Variants in UNC80 observed in about 807,000 individuals in gnomAD.
UNC80 encodes the protein protein unc-80 homolog.
UNC80 carries 164 observed loss-of-function variants against 384.6 expected under a neutral mutation model. The observed-to-expected ratio is 0.43, with a 90% CI of 0.38 to 0.49. The LOEUF (loss-of-function observed/expected upper bound fraction) is 0.49. Ranked by LOEUF, UNC80 falls within the 20% of genes least tolerant of loss-of-function variation. The pLI, the probability that UNC80 is intolerant of heterozygous loss-of-function variation, is 0.00. For missense variants in UNC80, 3,330 were observed against 4,143.0 expected (o/e 0.80, Z 5.39); for synonymous variants, 1,486 against 1,527.8 (o/e 0.97, Z 0.64).
chr2:209,921,362 C>A, intron 33 of UNC80, 138 bp from the exon 34 acceptor site: 1 of 842,320 alleles, frequency 1.2e-6, no homozygotes, highest in Non-Finnish European at 1.7e-6. Flanking sequence ...GACAAATATC[C>A]ATGAAACTGG....
intron 22 of UNC80, among the ~76,000 whole-genome samples, chr2:209,860,089 A>G (rs950793621): frequency 3.9e-5 from 6 of 152,142 alleles, no homozygotes; most frequent in African/African-American, 1.4e-4. Context: ...TTTGTCATGA[A>G]GTATTTTTTG....
intron 43 of UNC80, among the ~76,000 whole-genome samples, chr2:209,940,132 G>A (rs992030790): frequency 6.6e-6 from 1 of 152,174 alleles, no homozygotes; most frequent in Non-Finnish European, 1.5e-5. Context: ...GTAGGATGGT[G>A]TTGTTAGGGT....
chr2:209,942,873 C>T (rs1013649290), intron 44 of UNC80, among the ~76,000 whole-genome samples: 2 of 152,070 alleles, frequency 1.3e-5, no homozygotes, highest in African/African-American at 2.4e-5. Flanking sequence ...CACACACACA[C>T]ACACACACAC....
At chr2:209,940,297 C>T (rs571149092) in intron 43 of UNC80, among the ~76,000 whole-genome samples, 2 of 152,072 alleles carry the variant, frequency 1.3e-5, no homozygotes, top group African/African-American at 4.8e-5. Context: ...TGAAAATGGT[C>T]TGTATATTGA....
At chr2:209,892,356 G>A (rs938037013) in intron 26 of UNC80, among the ~76,000 whole-genome samples, 1 of 152,128 alleles carries the variant, frequency 6.6e-6, no homozygotes, top group African/African-American at 2.4e-5. Flanking sequence ...ACTAGTTCTT[G>A]TTGTCATGGA....
intron 2 of UNC80, among the ~76,000 whole-genome samples, chr2:209,773,778 T>C (rs2076715312): frequency 6.6e-6 from 1 of 152,250 alleles, no homozygotes; most frequent in Non-Finnish European, 1.5e-5. Flanking sequence ...GAACAAAATA[T>C]ATGCATTTCT....
chr2:209,987,772 G>T (rs1048967893), intron 61 of UNC80, among the ~76,000 whole-genome samples: 4 of 151,638 alleles, frequency 2.6e-5, no homozygotes, highest in Non-Finnish European at 5.9e-5. Context: ...TATAGTCTAG[G>T]TGAAAAGAAA....
Position 209,993,360 on chromosome 2 carries a change from A to G in UNC80, c.9442A>G (p.Arg3148Gly), listed in dbSNP as rs1308475985. Residue 3148 changes from arginine (R) to glycine (G), a missense_variant, in exon 63 of 65, where the codon AGA becomes GGA. By Grantham distance (125) the Arg-to-Gly change is moderately radical. Around this residue, in one of 8 missense-constraint regions of UNC80, gnomAD observed 236 missense variants for 254.9 expected, o/e 0.93. Coordinates refer to ENST00000673920, the MANE Select transcript of UNC80 (RefSeq NM_001371986.1). ...ACGTCAGAAAACTCAGACTGAACCC[A>G]GAAATCGCCAAGGGGCTCGGCTGTC... The part of the protein sequence containing the change: ...LSRQKTQTEP[R>G]NRQGARLSTT... 4.5e-6 allele frequency: 7 copies of G among 1,551,860 alleles called. No homozygotes were observed. The highest frequency in any genetic ancestry group is 2.0e-5 in the Admixed American group (1 of 50,978).
Position 209,839,188 on chromosome 2 carries a change from C to G in UNC80, c.3042-34C>G. On this transcript the variant is annotated intron_variant, in intron 18 of 64. Coordinates refer to ENST00000673920, the MANE Select transcript of UNC80 (RefSeq NM_001371986.1). This position sits in a 1 kb window ranked among gnomAD's most constrained non-coding sequence, Gnocchi z 4.1. ...TTTAGGAGAATTTCTCAAGTGTTGT[C>G]AGAAGTTTAACCCTATCCTCTGCTT... The G allele has an allele frequency of 6.5e-7, 1 of 1,532,610 alleles. No individual in the cohort carries two copies. Among genetic ancestry groups the G allele is most frequent in the Non-Finnish European group, 8.8e-7 (1 of 1,132,994 alleles). 94.9% of individuals were successfully genotyped at this position (1,532,610 alleles called of 1,614,324 possible).
intron 6 of UNC80, among the ~76,000 whole-genome samples, chr2:209,789,865 T>C (rs1426066578): frequency 7.0e-6 from 1 of 142,028 alleles, no homozygotes; most frequent in Non-Finnish European, 1.6e-5. Context: ...TGTAATGAGT[T>C]GTGCTTTATC....
chr2:209,779,679 T>C (rs115709448), intron 4 of UNC80, among the ~76,000 whole-genome samples: 1,604 of 152,312 alleles, frequency 0.011, 14 homozygotes, highest in Non-Finnish European at 0.015. Flanking sequence ...ACTGACACAC[T>C]GAGTAGACTT....
chr2:209,943,776 G>T (rs981343179), intron 45 of UNC80, among the ~76,000 whole-genome samples: 1 of 152,202 alleles, frequency 6.6e-6, no homozygotes, highest in African/African-American at 2.4e-5. Context: ...GGTTAGGGGT[G>T]TATATTGGGC....
intron 38 of UNC80, among the ~76,000 whole-genome samples, chr2:209,932,378 A>G (rs2090945020): frequency 6.6e-6 from 1 of 152,170 alleles, no homozygotes; most frequent in Non-Finnish European, 1.5e-5. Context: ...TGGAAAGCCA[A>G]ATGTCAGGGC....
At position 209,872,064 on chromosome 2, in the gene UNC80, G is replaced by A. The variant is rs13029223; in HGVS notation, c.3628-694G>A. 0.094 allele frequency among the ~76,000 whole-genome samples: 14,312 copies of A among 151,656 alleles called. 819 individuals are homozygous for A. The highest frequency in any genetic ancestry group is 0.26 in the South Asian group (1,250 of 4,798). ...GTCTCCCAGGCTGGAGTGCAGTGGC[G>A]CGATCTCAGCTAACTGCAACTTACA... On this transcript the variant is annotated intron_variant, in intron 22 of 64. Coordinates refer to ENST00000673920, the MANE Select transcript of UNC80 (RefSeq NM_001371986.1). This position sits in a 1 kb window ranked among gnomAD's most constrained non-coding sequence, Gnocchi z 4.1.
intron 22 of UNC80, among the ~76,000 whole-genome samples, chr2:209,868,625 A>C (rs528197084): frequency 1.6e-4 from 25 of 152,316 alleles, no homozygotes; most frequent in Middle Eastern, 3.4e-3. Flanking sequence ...AAAATGGCAA[A>C]GAAGTCAAGG....
chr2:209,990,037 G>C (rs1210096311), intron 61 of UNC80, among the ~76,000 whole-genome samples: 1 of 152,110 alleles, frequency 6.6e-6, no homozygotes, highest in Non-Finnish European at 1.5e-5. Flanking sequence ...ATCATTTACA[G>C]AACAGCTAAA....
chr2:209,894,121 A>C, intron 26 of UNC80, 42 bp from the exon 27 acceptor site: 116 of 974,360 alleles, frequency 1.2e-4, no homozygotes, highest in Non-Finnish European at 1.4e-4. Flanking sequence ...TGGCTGGGGA[A>C]CACTAGGGGG....
chr2:209,989,083 C>T (rs2093345113), intron 61 of UNC80, among the ~76,000 whole-genome samples: 1 of 150,802 alleles, frequency 6.6e-6, no homozygotes. Context: ...GAGGCCGAGG[C>T]AGGCAGATTG....
chr2:209,797,068 C>T (rs796355277), intron 7 of UNC80, among the ~76,000 whole-genome samples: 2 of 152,268 alleles, frequency 1.3e-5, no homozygotes, highest in African/African-American at 4.8e-5. Flanking sequence ...TGAATTCATA[C>T]AGTCTGTGGC....
Sources: gnomAD v4.1 joint callset for allele counts (sites outside exome capture counted in the v4.1 genomes callset) on GRCh38, gnomAD v4.1.1 for gene constraint, gnomAD v4.1.1 regional missense constraint, Gnocchi (gnomAD v3.1) non-coding constraint, MANE v1.5 for transcripts, NCBI Gene and HGNC (gene_info 2026-07-23, HGNC 2026-07-21) for gene names.